Variants in RHBDD1 observed in about 807,000 individuals in gnomAD.
RHBDD1 encodes the protein rhomboid-related protein 4.
In RHBDD1, 38 loss-of-function variants were observed where a neutral mutation model predicts 36.3. That is an observed-to-expected ratio of 1.05 (90% confidence interval 0.81 to 1.37). The LOEUF (loss-of-function observed/expected upper bound fraction) is 1.37. Ranked by LOEUF, RHBDD1 falls within the 40% of genes most tolerant of loss-of-function variation. RHBDD1 has a pLI of 0.00. For synonymous variants in RHBDD1, 151 were observed against 136.5 expected, an observed-to-expected ratio of 1.11 and a Z score of -0.74; for missense variants, 393 against 377.6, an observed-to-expected ratio of 1.04 and a Z score of -0.34.
chr2:226,968,562 T>C (rs911257577), intron 8 of RHBDD1, among the ~76,000 whole-genome samples: 1 of 152,190 alleles, frequency 6.6e-6, no homozygotes, highest in Non-Finnish European at 1.5e-5. Context: ...AGCACCCTGA[T>C]TAGTGTTTAA....
intron 8 of RHBDD1, among the ~76,000 whole-genome samples, chr2:226,966,376 G>A (rs1410645769): frequency 2.0e-5 from 3 of 152,172 alleles, no homozygotes; most frequent in Admixed American, 1.3e-4. Flanking sequence ...GGCCTCCTCA[G>A]TAGCCCGAAA....
At chr2:226,900,600 T>C (rs780944173) in intron 5 of RHBDD1, among the ~76,000 whole-genome samples, 1 of 152,212 alleles carries the variant, frequency 6.6e-6, no homozygotes, top group Non-Finnish European at 1.5e-5. Context: ...TGTAATACAC[T>C]GTCCAAGCGT....
At chr2:226,861,792 G>C (rs1943878109) in intron 3 of RHBDD1, among the ~76,000 whole-genome samples, 1 of 152,152 alleles carries the variant, frequency 6.6e-6, no homozygotes, top group Admixed American at 6.5e-5. Flanking sequence ...AGTTACGGTA[G>C]GTAAAGAGTT....
At chr2:226,920,436 G>C (rs1949227397) in intron 8 of RHBDD1, among the ~76,000 whole-genome samples, 1 of 152,062 alleles carries the variant, frequency 6.6e-6, no homozygotes, top group African/African-American at 2.4e-5. Context: ...GAATAACAGT[G>C]GTGAAAGTGT....
chr2:226,929,117 T>TGA (rs1949851826), intron 8 of RHBDD1, among the ~76,000 whole-genome samples: 1 of 151,966 alleles, frequency 6.6e-6, no homozygotes, highest in African/African-American at 2.4e-5. Flanking sequence ...TCCAAAAGAC[T>TGA]GAGAAAGAGG....
chr2:226,980,651 T>C (rs1407120570), intron 8 of RHBDD1, among the ~76,000 whole-genome samples: 1 of 152,202 alleles, frequency 6.6e-6, no homozygotes, highest in African/African-American at 2.4e-5. Flanking sequence ...CTTAAAACCA[T>C]ATAGTCCTTT....
At chr2:226,960,823 TC>T (rs1952140445) in intron 8 of RHBDD1, among the ~76,000 whole-genome samples, 1 of 152,220 alleles carries the variant, frequency 6.6e-6, no homozygotes, top group Non-Finnish European at 1.5e-5. Flanking sequence ...AGGGGGTTCA[TC>T]TTTCCACTGT....
intron 8 of RHBDD1, among the ~76,000 whole-genome samples, chr2:226,990,360 A>G (rs1438536119): frequency 6.6e-6 from 1 of 152,212 alleles, no homozygotes; most frequent in Non-Finnish European, 1.5e-5. Context: ...TAGAAATCCC[A>G]GAGAACACTG....
intron 8 of RHBDD1, among the ~76,000 whole-genome samples, chr2:226,975,675 A>G (rs1336714583): frequency 2.6e-5 from 4 of 152,202 alleles, no homozygotes; most frequent in Admixed American, 2.0e-4. Flanking sequence ...ATGCAGAAGG[A>G]ACTCATTAAA....
intron 5 of RHBDD1, among the ~76,000 whole-genome samples, chr2:226,883,853 T>A (rs892959444): frequency 6.6e-6 from 1 of 152,220 alleles, no homozygotes; most frequent in Admixed American, 6.5e-5. Context: ...TAACTGTATT[T>A]TACAGGAAAA....
the RHBDD1 span, among the ~76,000 whole-genome samples, chr2:226,822,675 T>C: frequency 2.0e-5 from 3 of 151,668 alleles, no homozygotes; most frequent in East Asian, 3.9e-4. Context: ...TTGGGTCATA[T>C]TGGCAGTTCA....
chr2:226,908,504 T>C, intron 6 of RHBDD1: 1 of 297,508 alleles, frequency 3.4e-6, no homozygotes, highest in Non-Finnish European at 6.4e-6. Flanking sequence ...TACAGAGACA[T>C]CAAAGCCGAG....
chr2:226,877,734 T>A (rs1945363910), intron 5 of RHBDD1, among the ~76,000 whole-genome samples: 1 of 152,202 alleles, frequency 6.6e-6, no homozygotes, highest in African/African-American at 2.4e-5. Context: ...TTGTGTGTAT[T>A]TCACATTTCA....
intron 3 of RHBDD1, among the ~76,000 whole-genome samples, chr2:226,851,512 G>A (rs1336719038): frequency 1.3e-5 from 2 of 152,028 alleles, no homozygotes; most frequent in Admixed American, 6.6e-5. Flanking sequence ...AAAAGTAGAG[G>A]TGGAAGCGTC....
intron 8 of RHBDD1, among the ~76,000 whole-genome samples, chr2:226,973,793 C>T (rs976098037): frequency 6.6e-6 from 1 of 152,166 alleles, no homozygotes; most frequent in Non-Finnish European, 1.5e-5. Context: ...TGAAGTAGGT[C>T]GTATCTTTCT....
At chr2:226,897,632 G>A (rs1222471493) in intron 5 of RHBDD1, among the ~76,000 whole-genome samples, 1 of 152,142 alleles carries the variant, frequency 6.6e-6, no homozygotes, top group East Asian at 1.9e-4. Flanking sequence ...AAGACCACAT[G>A]GCGAGAGAGG....
chr2:226,934,864 T>C (rs1575155831), intron 8 of RHBDD1, among the ~76,000 whole-genome samples: 1 of 42,982 alleles, frequency 2.3e-5, no homozygotes, highest in Non-Finnish European at 4.5e-5. Context: ...TTTTCTTTTC[T>C]TTTTTTTTTT....
At chr2:226,850,776 G>A (rs1313714193) in intron 3 of RHBDD1, among the ~76,000 whole-genome samples, 2 of 152,134 alleles carry the variant, frequency 1.3e-5, no homozygotes, top group African/African-American at 4.8e-5. Flanking sequence ...AATCCACCCA[G>A]CAAATCCCAG....
intron 8 of RHBDD1, among the ~76,000 whole-genome samples, chr2:226,922,309 G>A (rs1011103403): frequency 6.2e-5 from 9 of 145,274 alleles, no homozygotes; most frequent in South Asian, 2.3e-4. Flanking sequence ...CCGGGTTCAC[G>A]CCATTCTCCT....
Sources: allele counts gnomAD v4.1 joint callset (sites outside exome capture counted in the v4.1 genomes callset), GRCh38; gene constraint gnomAD v4.1.1; transcripts MANE v1.5; gene names NCBI Gene and HGNC (gene_info 2026-07-23, HGNC 2026-07-21).